Variants in ARHGEF16 observed in about 807,000 individuals in gnomAD.
ARHGEF16 encodes Rho guanine exchange factor (GEF) 16.
A neutral mutation model predicts 74.1 loss-of-function variants in ARHGEF16; 59 were observed. That is an observed-to-expected ratio of 0.80 (90% CI 0.65 to 0.99). The LOEUF is 0.99. ARHGEF16 is among the 50% of genes least tolerant of loss of function. The pLI, the probability that ARHGEF16 is intolerant of heterozygous loss-of-function variation, is 0.00. For synonymous variants in ARHGEF16, 415 were observed against 412.6 expected, an observed-to-expected ratio of 1.01 and a Z score of -0.07; for missense variants, 948 against 986.6, an observed-to-expected ratio of 0.96 and a Z score of 0.52.
Position 3,467,320 on chromosome 1 carries a change from T to C in ARHGEF16, c.787T>C (p.Trp263Arg). ...GAGCTACCGGCCCGCCCAGGTCACCTGGAGCCAGCTCCCAGAGGTAGCGCC... is the reference window on the plus strand; with the variant it reads ...GAGCTACCGGCCCGCCCAGGTCACCCGGAGCCAGCTCCCAGAGGTAGCGCC... ...VKSYRPAQVT[W>R]SQLPEVVELG... The change falls in exon 4 of 15, where the codon TGG becomes CGG. Residue 263 changes from tryptophan to arginine, a missense_variant. Transcript: ENST00000378378. The C allele has an allele frequency of 1.3e-6, 2 of 1,549,582 alleles. No homozygotes were observed. Among genetic ancestry groups the C allele is most frequent in the Non-Finnish European group, 1.7e-6 (2 of 1,146,470 alleles).
rs1640028929 is a variant in ARHGEF16, at chr1:3,480,545, T to C, written c.2088T>C (p.Asn696=). Residue 696 remains asparagine (N), a synonymous_variant, in exon 15 of 15, where the codon AAT becomes AAC. Transcript: ENST00000378378. ...FITSRVAVEG[N]VRRMERLRVE... is the part of the protein sequence containing the mutation. ...CCAGCCGTGTGGCCGTGGAGGGCAATGTCCGCAGGATGGAGCGTCTGCGGG... is the reference window on the plus strand; with the variant it reads ...CCAGCCGTGTGGCCGTGGAGGGCAACGTCCGCAGGATGGAGCGTCTGCGGG... 4 of 1,611,244 alleles carry C rather than the reference T, an allele frequency of 2.5e-6. No homozygotes were observed. Among genetic ancestry groups the C allele is most frequent in the Non-Finnish European group, 3.4e-6 (4 of 1,179,910 alleles).
chr1:3,472,026 C>G (rs556564231), intron 6 of ARHGEF16, among the ~76,000 whole-genome samples: 9 of 152,338 alleles, frequency 5.9e-5, no homozygotes, highest in Admixed American at 2.6e-4. Flanking sequence ...GGAAGCGTGG[C>G]TCCTGCGTGG....
intron 8 of ARHGEF16, 80 bp downstream of exon 8, chr1:3,473,602 T>TA (rs1639799713): frequency 6.3e-7 from 1 of 1,583,738 alleles, no homozygotes; most frequent in African/African-American, 1.3e-5. Context: ...GATGGAGCAT[T>TA]ACGTGCTTGT....
chr1:3,473,841 C>T, intron 8 of ARHGEF16: 2 of 424,188 alleles, frequency 4.7e-6, no homozygotes, highest in Non-Finnish European at 4.3e-6. Context: ...CTCCTCCCAG[C>T]CCCCACCCCA....
At chr1:3,466,051 T>G (rs1049762173) in intron 2 of ARHGEF16, 97 bp from the exon 3 acceptor site, 1 of 1,351,002 alleles carries the variant, frequency 7.4e-7, no homozygotes, top group Non-Finnish European at 1.0e-6. Flanking sequence ...GCTTCGCATG[T>G]GGAGCCGAGA....
In ARHGEF16 at chr1:3,463,584, A is replaced by G. The variant is rs1406525147; in HGVS notation, c.500A>G (p.Gln167Arg). 7 of 1,449,220 alleles carry G rather than the reference A, an allele frequency of 4.8e-6. No individual in the cohort carries two copies. In the South Asian group the frequency reaches 8.9e-5, roughly 18 times the overall value. 89.8% of individuals were successfully genotyped at this position (1,449,220 alleles called of 1,614,324 possible). Reference sequence around the variant, plus strand: ...AAGGGCCTGGGGAAGCCAGGTGGCCAGGGAGATGCCATCCAGCTAAGCCCT... The same window carrying G: ...AAGGGCCTGGGGAAGCCAGGTGGCCGGGGAGATGCCATCCAGCTAAGCCCT... ...AMKGLGKPGG[Q>R]GDAIQLSPKL... is the part of the protein sequence containing the mutation. Residue 167 changes from glutamine to arginine, a missense_variant, in exon 2 of 15, where the codon CAG (glutamine) becomes CGG (arginine). Transcript: ENST00000378378.
At chr1:3,461,815 G>A (rs923547497) in intron 1 of ARHGEF16, among the ~76,000 whole-genome samples, 3 of 152,192 alleles carry the variant, frequency 2.0e-5, no homozygotes, top group Non-Finnish European at 2.9e-5. Context: ...GCCTGGCCAC[G>A]CGTGCCTATA....
intron 2 of ARHGEF16, among the ~76,000 whole-genome samples, chr1:3,465,199 G>T (rs1314837411): frequency 1.3e-5 from 2 of 152,230 alleles, no homozygotes; most frequent in African/African-American, 4.8e-5. Context: ...CACATGCTTG[G>T]TGCTGGGGTT....
intron 4 of ARHGEF16, chr1:3,468,673 G>A: frequency 1.7e-6 from 1 of 605,372 alleles, no homozygotes; most frequent in African/African-American, 1.8e-5. Context: ...GGGAGCGGGG[G>A]GCTGACCCAA....
chr1:3,472,909 GT>G, intron 6 of ARHGEF16, 168 bp from the exon 7 acceptor site: 3 of 279,860 alleles, frequency 1.1e-5, no homozygotes, highest in South Asian at 6.3e-5. Flanking sequence ...AGCATCCCAG[GT>G]CCGGGTCCCG....
At chr1:3,471,720 C>T in intron 6 of ARHGEF16, 1 of 1,222,066 alleles carries the variant, frequency 8.2e-7, no homozygotes, top group Non-Finnish European at 1.1e-6. Flanking sequence ...GCTCCGGCCT[C>T]CTCCCCCAGC....
intron 7 of ARHGEF16, 26 bp downstream of exon 7, chr1:3,473,256 A>T (rs370547829): frequency 3.1e-6 from 5 of 1,608,834 alleles, no homozygotes; most frequent in Non-Finnish European, 4.2e-6. Context: ...CGAGGCCCGC[A>T]GGGTGGCTCA....
chr1:3,480,218 G>A (rs370481930), intron 14 of ARHGEF16, among the ~76,000 whole-genome samples: 5 of 152,340 alleles, frequency 3.3e-5, no homozygotes, highest in South Asian at 2.1e-4. Flanking sequence ...GCCGGGCAGC[G>A]CTGTGTGGGG....
Position 3,478,504 on chromosome 1 carries a change from T to C in ARHGEF16, c.1706T>C (p.Leu569Pro). ...AAGATAGAGCCGTCTGAGCTCCCTC[T>C]GCCCGGGGGCGGCAACCGTAGCTCC... ...VEKIEPSELP[L>P]PGGGNRSSSV... The change falls in exon 12 of 15, where the codon CTG (leucine) becomes CCG (proline). Residue 569 changes from leucine (L) to proline (P), a missense_variant. Leu to Pro is a moderately conservative substitution (Grantham distance 98, BLOSUM62 -3). Coordinates refer to ENST00000378378, the MANE Select transcript of ARHGEF16 (RefSeq NM_014448.4). 1 of 1,612,674 alleles carries C rather than the reference T, an allele frequency of 6.2e-7. No individual in the cohort carries two copies. The highest frequency in any genetic ancestry group is 8.5e-7 in the Non-Finnish European group (1 of 1,179,862).
chr1:3,461,156 G>C (rs1162598832), intron 1 of ARHGEF16, among the ~76,000 whole-genome samples: 1 of 152,238 alleles, frequency 6.6e-6, no homozygotes, highest in African/African-American at 2.4e-5. Context: ...ATACTGAGTG[G>C]TGGTGGTTAT....
chr1:3,469,292 C>T (rs529826440), intron 5 of ARHGEF16, 141 bp from the exon 6 acceptor site: 1 of 984,382 alleles, frequency 1.0e-6, no homozygotes, highest in South Asian at 1.7e-5. Context: ...ATTCTGACAG[C>T]CCCATCCAGG....
intron 3 of ARHGEF16, chr1:3,466,934 G>A (rs1270710882): frequency 2.1e-6 from 1 of 480,002 alleles, no homozygotes; most frequent in African/African-American, 1.9e-5. Flanking sequence ...GTTGGGGGCT[G>A]CTGTGAGGGT....
chr1:3,479,180 A>C (rs1639984265), intron 12 of ARHGEF16, among the ~76,000 whole-genome samples: 1 of 152,188 alleles, frequency 6.6e-6, no homozygotes, highest in Non-Finnish European at 1.5e-5. Context: ...GTCTTGACTG[A>C]GGACAGCTCT....
chr1:3,455,223 G>A (rs963401063), intron 1 of ARHGEF16, among the ~76,000 whole-genome samples: 94 of 152,310 alleles, frequency 6.2e-4, no homozygotes, highest in Non-Finnish European at 1.2e-3. Context: ...GCATGGGGTG[G>A]GGGGCGGAAC....
Sources: allele counts gnomAD v4.1 joint callset (sites outside exome capture counted in the v4.1 genomes callset), GRCh38; gene constraint gnomAD v4.1.1; transcripts MANE v1.5; gene names NCBI Gene and HGNC (gene_info 2026-07-23, HGNC 2026-07-21).